The following OTUD7A variants were observed in gnomAD, a reference collection of about 807,000 sequenced individuals.
OTUD7A encodes OTU deubiquitinase 7A.
OTUD7A carries 12 observed loss-of-function variants against 65.7 expected under a neutral mutation model. The ratio of observed to expected loss-of-function variants is 0.18; its 90% CI spans 0.12 to 0.30. The LOEUF is 0.30. Ranked by LOEUF, OTUD7A falls within the 10% of genes least tolerant of loss-of-function variation. OTUD7A has a pLI of 1.00. For missense variants in OTUD7A, 1,148 were observed against 1,304.8 expected, an observed-to-expected ratio of 0.88 and a Z score of 1.85; for synonymous variants, 641 against 586.3, an observed-to-expected ratio of 1.09 and a Z score of -1.35.
chr15:31,789,494 A>G (rs35654416), intron 1 of OTUD7A, among the ~76,000 whole-genome samples: 37,131 of 152,186 alleles, frequency 0.24, 4,648 homozygotes, highest in Admixed American at 0.3. Context: ...ACTCCTCCAC[A>G]ATTATGTTTC....
intron 8 of OTUD7A, among the ~76,000 whole-genome samples, chr15:31,513,947 T>G (rs2041801837): frequency 6.6e-6 from 1 of 152,222 alleles, no homozygotes; most frequent in Non-Finnish European, 1.5e-5. Flanking sequence ...TGTGATTATG[T>G]GGATGCTCAG....
chr15:31,526,287 G>C, intron 8 of OTUD7A, 62 bp downstream of exon 8: 1 of 1,450,090 alleles, frequency 6.9e-7, no homozygotes, highest in East Asian at 2.5e-5. Flanking sequence ...CCCATGCTGT[G>C]TGTAGCCCTG....
At chr15:31,560,819 C>G (rs1172962881) in intron 4 of OTUD7A, among the ~76,000 whole-genome samples, 2 of 152,220 alleles carry the variant, frequency 1.3e-5, no homozygotes, top group African/African-American at 4.8e-5. Context: ...CCTGCAATGC[C>G]CCTCTGAGGT....
At chr15:31,491,978 GC>G (rs1346051922) in intron 10 of OTUD7A, among the ~76,000 whole-genome samples, 3 of 152,160 alleles carry the variant, frequency 2.0e-5, no homozygotes, top group African/African-American at 7.2e-5. Context: ...GCAAATCATT[GC>G]CAGCAGACCT....
Position 31,483,717 on chromosome 15 carries a change from C to G in OTUD7A, c.2379G>C (p.Pro793=). The change falls in exon 13 of 13, where the codon CCG becomes CCC. Residue 793 remains proline, a synonymous_variant. Transcript: ENST00000307050. ...ASGARDEACA[P]AVGALRPCAT... is the part of the protein sequence containing the mutation. ...CGCACGGCCGCAGCGCCCCCACGGC[C>G]GGCGCGCACGCCTCGTCCCGCGCGC... 3 of 1,136,608 alleles carry G rather than the reference C, an allele frequency of 2.6e-6. No individual in the cohort carries two copies. Among genetic ancestry groups the G allele is most frequent in the Non-Finnish European group, 3.2e-6 (3 of 929,110 alleles). The allele number at this position is 1,136,608 out of a possible 1,614,324, so 70.4% of individuals were successfully genotyped here. A position where few individuals can be genotyped will look rare whatever the true frequency, so the allele number is the denominator to read the frequency against.
chr15:31,630,730 T>C (rs1891119340), intron 3 of OTUD7A, among the ~76,000 whole-genome samples: 1 of 152,128 alleles, frequency 6.6e-6, no homozygotes, highest in Non-Finnish European at 1.5e-5. Flanking sequence ...CTAAGTCTCT[T>C]TGTAGGTCAC....
intron 1 of OTUD7A, among the ~76,000 whole-genome samples, chr15:31,788,142 T>C (rs566372062): frequency 6.8e-4 from 103 of 152,356 alleles, no homozygotes; most frequent in Non-Finnish European, 1.3e-3. Flanking sequence ...GAATAAGTTT[T>C]GTTTTTGTCT....
At chr15:31,718,081 T>C (rs1161265065) in intron 1 of OTUD7A, among the ~76,000 whole-genome samples, 1 of 152,152 alleles carries the variant, frequency 6.6e-6, no homozygotes, top group Non-Finnish European at 1.5e-5. Context: ...GCAGGAACAC[T>C]GTGGAAGTGA....
intron 1 of OTUD7A, among the ~76,000 whole-genome samples, chr15:31,720,190 G>A (rs1255590553): frequency 6.7e-6 from 1 of 150,266 alleles, no homozygotes; most frequent in African/African-American, 2.4e-5. Flanking sequence ...CTAACAGGGA[G>A]CCCGGTGAAT....
chr15:31,505,085 TTGTTA>T (rs1302772246), intron 8 of OTUD7A, among the ~76,000 whole-genome samples: 5 of 152,204 alleles, frequency 3.3e-5, no homozygotes, highest in African/African-American at 4.8e-5. Flanking sequence ...GCTCGCAGTT[TTGTTA>T]TGAGAGTATA....
chr15:31,647,780 G>A (rs1187517972), intron 3 of OTUD7A, among the ~76,000 whole-genome samples: 1 of 152,086 alleles, frequency 6.6e-6, no homozygotes, highest in Non-Finnish European at 1.5e-5. Context: ...CGTGCTGGGT[G>A]TTGGGCAAAC....
chr15:31,688,454 C>T (rs1200331200), intron 1 of OTUD7A, among the ~76,000 whole-genome samples: 2 of 151,816 alleles, frequency 1.3e-5, no homozygotes, highest in African/African-American at 2.4e-5. Context: ...AAGAGAAAAA[C>T]GAAAGCAGGC....
At chr15:31,761,041 T>C (rs780610358) in intron 1 of OTUD7A, among the ~76,000 whole-genome samples, 6 of 152,146 alleles carry the variant, frequency 3.9e-5, no homozygotes, top group Non-Finnish European at 7.4e-5. Flanking sequence ...AGATTGATCA[T>C]GAGCCTCCTA....
intron 1 of OTUD7A, among the ~76,000 whole-genome samples, chr15:31,795,289 A>G (rs9806122): frequency 0.034 from 5,194 of 152,276 alleles, 307 homozygotes; most frequent in African/African-American, 0.12. Flanking sequence ...GCTTTCATCT[A>G]CTAGGCCCTT....
chr15:31,574,751 C>T (rs1889154677), intron 3 of OTUD7A, among the ~76,000 whole-genome samples: 1 of 152,144 alleles, frequency 6.6e-6, no homozygotes, highest in African/African-American at 2.4e-5. Flanking sequence ...TAGCAAATTC[C>T]TAGAGATGAC....
intron 1 of OTUD7A, among the ~76,000 whole-genome samples, chr15:31,794,576 T>C (rs954690339): frequency 6.7e-6 from 1 of 150,358 alleles, no homozygotes; most frequent in African/African-American, 2.5e-5. Flanking sequence ...CTAATATTAA[T>C]GAAGCACCTA....
At chr15:31,829,437 T>C (rs777173220) in intron 1 of OTUD7A, among the ~76,000 whole-genome samples, 3 of 152,220 alleles carry the variant, frequency 2.0e-5, no homozygotes, top group Non-Finnish European at 2.9e-5. Context: ...CTTGGTTCCA[T>C]GGGCTTCTGC....
intron 1 of OTUD7A, among the ~76,000 whole-genome samples, chr15:31,714,062 G>A (rs1028582483): frequency 7.5e-5 from 11 of 147,590 alleles, no homozygotes; most frequent in African/African-American, 1.5e-4. Flanking sequence ...TGGAAAAACC[G>A]CTTGGCAGAA....
intron 1 of OTUD7A, among the ~76,000 whole-genome samples, chr15:31,826,239 G>A (rs917596735): frequency 6.6e-6 from 1 of 152,218 alleles, no homozygotes; most frequent in African/African-American, 2.4e-5. Context: ...ACTTCTGTCT[G>A]GGCATCCAGG....
Sources: gnomAD v4.1 joint callset for allele counts (sites outside exome capture counted in the v4.1 genomes callset) on GRCh38, gnomAD v4.1.1 for gene constraint, MANE v1.5 for transcripts, NCBI Gene and HGNC (gene_info 2026-07-23, HGNC 2026-07-21) for gene names.